The following TMPRSS2 variants were observed in gnomAD, a reference collection of about 807,000 sequenced individuals.
TMPRSS2 encodes transmembrane serine protease 2, also known as transmembrane protease serine 2.
TMPRSS2 carries 59 observed loss-of-function variants against 67.4 expected under a neutral mutation model. That is an observed-to-expected ratio of 0.88 (90% CI 0.71 to 1.09). The LOEUF (loss-of-function observed/expected upper bound fraction) is 1.09, where lower values mean the gene tolerates loss of function less well. Ranked by LOEUF, TMPRSS2 falls within the 50% of genes least tolerant of loss-of-function variation. The pLI is 0.00. For missense variants in TMPRSS2, 668 were observed against 642.7 expected (o/e 1.04, Z -0.43); for synonymous variants, 257 against 257.0 (o/e 1.00, Z 0.00).
chr21:41,467,526 AG>A (rs2091095073), intron 13 of TMPRSS2, among the ~76,000 whole-genome samples: 1 of 152,166 alleles, frequency 6.6e-6, no homozygotes, highest in Non-Finnish European at 1.5e-5. Flanking sequence ...TCCAAACACC[AG>A]GGGAAATATG....
In TMPRSS2 at chr21:41,467,872, C is replaced by T. The variant is rs766067958; in HGVS notation, c.1329G>A (p.Gly443=). ...NVDSCQGDSG[G]PLVTSKNNIW... ...TATTGTTCTTCGAAGTGACCAGAGG[C>T]CCTCCACTGTCACCCTGTGGGACAC... The change falls in exon 13 of 14, where the codon GGG becomes GGA. Residue 443 remains glycine, a synonymous_variant. Transcript: ENST00000332149. 1 of 1,614,192 alleles carries T rather than the reference C, an allele frequency of 6.2e-7. No individual in the cohort carries two copies. The highest frequency in any genetic ancestry group is 1.1e-5 in the South Asian group (1 of 91,082).
intron 3 of TMPRSS2, 135 bp from the exon 4 acceptor site, chr21:41,489,728 AATTTT>A: frequency 4.9e-6 from 3 of 615,416 alleles, no homozygotes; most frequent in Non-Finnish European, 8.4e-6. Context: ...TGTGACTTTT[AATTTT>A]AAGAAATATC....
In TMPRSS2 at chr21:41,465,569, T is replaced by TCTG; in HGVS notation, c.*572_*573insCAG. 4.3e-6 allele frequency: 1 copy of TCTG among 233,922 alleles called. No individual in the cohort carries two copies. The highest frequency in any genetic ancestry group is 6.0e-5 in the East Asian group (1 of 16,596). 14.5% of individuals were successfully genotyped at this position (233,922 alleles called of 1,614,324 possible). A position where few individuals can be genotyped will look rare whatever the true frequency, so the allele number is the denominator to read the frequency against. On this transcript the variant is annotated 3_prime_UTR_variant, in exon 14 of 14. Coordinates refer to ENST00000332149, the MANE Select transcript of TMPRSS2 (RefSeq NM_005656.4). ...CCCCATAAGAACAAAAATGTTTCTG[T>TCTG]TCCCCTTACAAGTGACTACCACGTC...
chr21:41,479,307 A>G, intron 6 of TMPRSS2, 25 bp from the exon 7 acceptor site: 1 of 1,569,106 alleles, frequency 6.4e-7, no homozygotes, highest in Non-Finnish European at 8.8e-7. Context: ...CTTATTTGTG[A>G]TAATGGTTAA....
At chr21:41,496,339 A>G (rs2091382391) in intron 2 of TMPRSS2, among the ~76,000 whole-genome samples, 1 of 152,206 alleles carries the variant, frequency 6.6e-6, no homozygotes, top group Non-Finnish European at 1.5e-5. Context: ...ATGTATCGTC[A>G]TTCACTCACC....
chr21:41,476,572 C>G lies in TMPRSS2; in HGVS notation c.727+5G>C, dbSNP rs761029216. The G allele has an allele frequency of 1.4e-5, 22 of 1,613,132 alleles. No homozygotes were observed. The highest frequency in any genetic ancestry group is 2.2e-5 in the South Asian group (2 of 91,076). ...TATCAAAAGGGGGACTCCAGATGAA[C>G]TTACCTATACAGCGTAAAGAAACCA... On this transcript the variant is annotated splice_donor_5th_base_variant and intron_variant, in intron 8 of 13. Transcript: ENST00000332149.
Position 41,468,631 on chromosome 21 carries a change from C to T in TMPRSS2, c.1172-93G>A, listed in dbSNP as rs2091104658. 10 of 1,395,738 alleles carry T rather than the reference C, an allele frequency of 7.2e-6. No individual in the cohort carries two copies. The South Asian group carries it at 1.2e-4, about 16-fold the overall frequency. The allele number at this position is 1,395,738 out of a possible 1,614,324, so 86.5% of individuals were successfully genotyped here. A position where few individuals can be genotyped will look rare whatever the true frequency, so the allele number is the denominator to read the frequency against. On this transcript the variant is annotated intron_variant, in intron 11 of 13. Transcript: ENST00000332149. The stretch of plus-strand genomic sequence containing the variant: ...CTCCCTGAGACCTCCACACGCACTA[C>T]ACAGATGGTCACAGCCCTATTTTCC...
intron 11 of TMPRSS2, among the ~76,000 whole-genome samples, chr21:41,469,857 A>C (rs1157926595): frequency 6.6e-6 from 1 of 152,134 alleles, no homozygotes; most frequent in Non-Finnish European, 1.5e-5. Context: ...TACTAGGTGC[A>C]GGTGCGCACA....
intron 5 of TMPRSS2, among the ~76,000 whole-genome samples, chr21:41,483,399 T>A (rs560657127): frequency 5.6e-4 from 85 of 152,144 alleles, no homozygotes; most frequent in Middle Eastern, 3.4e-3. Flanking sequence ...TTCTCCTGAC[T>A]CAGCCTCATG....
chr21:41,477,931 T>C (rs1011170746), intron 7 of TMPRSS2, among the ~76,000 whole-genome samples: 1 of 150,264 alleles, frequency 6.7e-6, no homozygotes, highest in Non-Finnish European at 1.5e-5. Flanking sequence ...AATGGCCTTC[T>C]CTTCTTTCTT....
At position 41,476,553 on chromosome 21, in the gene TMPRSS2, AAGGGGGACTCC is replaced by A; in HGVS notation, c.727+13_727+23del. ...AGCTTTTCCTAGTTAGAAGTATCAA[AAGGGGGACTCC>A]AGATGAACTTACCTATACAGCGTAA... is the stretch of plus-strand genomic sequence containing the variant. On this transcript the variant is annotated intron_variant, in intron 8 of 13. Transcript: ENST00000332149. 6.2e-7 allele frequency: 1 copy of A among 1,610,624 alleles called. No homozygotes were observed. The highest frequency in any genetic ancestry group is 8.5e-7 in the Non-Finnish European group (1 of 1,177,444).
chr21:41,480,411 G>A, intron 6 of TMPRSS2, 65 bp downstream of exon 6: 1 of 1,591,112 alleles, frequency 6.3e-7, no homozygotes, highest in South Asian at 1.1e-5. Flanking sequence ...GGGAGGCAGA[G>A]AGAGGGTCTT....
intron 3 of TMPRSS2, among the ~76,000 whole-genome samples, chr21:41,491,548 T>G (rs998545620): frequency 1.3e-5 from 2 of 152,218 alleles, no homozygotes; most frequent in Non-Finnish European, 2.9e-5. Flanking sequence ...GCAATGATTA[T>G]ATATGATGGA....
At chr21:41,491,708 T>C (rs2091337810) in intron 3 of TMPRSS2, among the ~76,000 whole-genome samples, 1 of 152,198 alleles carries the variant, frequency 6.6e-6, no homozygotes, top group Non-Finnish European at 1.5e-5. Context: ...GCTATTCAGT[T>C]AGGTATCCTG....
intron 6 of TMPRSS2, 133 bp downstream of exon 6, chr21:41,480,343 G>C (rs370312550): frequency 7.0e-7 from 1 of 1,431,260 alleles, no homozygotes; most frequent in South Asian, 1.4e-5. Context: ...CTGGTTATAG[G>C]GCTCAGCTTT....
intron 13 of TMPRSS2, among the ~76,000 whole-genome samples, 175 bp downstream of exon 13, chr21:41,467,559 A>T (rs1175410830): frequency 6.6e-6 from 1 of 152,110 alleles, no homozygotes; most frequent in African/African-American, 2.4e-5. Context: ...AGTGAGAGGC[A>T]ATGGGCAATG....
At chr21:41,495,672 A>G (rs1006480699) in intron 2 of TMPRSS2, among the ~76,000 whole-genome samples, 1 of 151,572 alleles carries the variant, frequency 6.6e-6, no homozygotes, top group Non-Finnish European at 1.5e-5. Flanking sequence ...GACAAGTACC[A>G]TGAAAAATGG....
chr21:41,496,727 C>T (rs1393110840), intron 2 of TMPRSS2, among the ~76,000 whole-genome samples: 1 of 151,616 alleles, frequency 6.6e-6, no homozygotes, highest in African/African-American at 2.4e-5. Flanking sequence ...TACCTGTTGG[C>T]TGGGCCACTC....
intron 2 of TMPRSS2, among the ~76,000 whole-genome samples, chr21:41,496,690 C>T (rs747188883): frequency 3.3e-5 from 5 of 152,046 alleles, no homozygotes; most frequent in Non-Finnish European, 5.9e-5. Flanking sequence ...CAGCCCACAT[C>T]TTCCCCTTCT....
Sources: allele counts gnomAD v4.1 joint callset (sites outside exome capture counted in the v4.1 genomes callset), GRCh38; gene constraint gnomAD v4.1.1; transcripts MANE v1.5; gene names NCBI Gene and HGNC (gene_info 2026-07-23, HGNC 2026-07-21).